Variants in MYEF2 observed in about 807,000 individuals in gnomAD.
The protein encoded by MYEF2 is myelin gene expression factor 2.
In MYEF2, 37 loss-of-function variants were observed where a neutral mutation model predicts 75.2. The ratio of observed to expected loss-of-function variants is 0.49; its 90% CI spans 0.38 to 0.65. The LOEUF is 0.65. Among genes scored for constraint, MYEF2 ranks in the 30% least tolerant of loss-of-function variants. MYEF2 has a pLI of 0.00. For missense variants in MYEF2, 634 were observed against 771.4 expected, an observed-to-expected ratio of 0.82 and a Z score of 2.11; for synonymous variants, 195 against 241.6, an observed-to-expected ratio of 0.81 and a Z score of 1.79.
intron 1 of MYEF2, among the ~76,000 whole-genome samples, chr15:48,176,672 A>C (rs1199612763): frequency 6.6e-6 from 1 of 152,134 alleles, no homozygotes; most frequent in Admixed American, 6.5e-5. Flanking sequence ...TGGCATGTAT[A>C]CTCGTGTTTA....
rs1314816241 is a variant in MYEF2 at position 48,151,119 on chromosome 15, A to T, written c.1359T>A (p.Gly453=). 19 of 1,610,194 alleles carry T rather than the reference A, an allele frequency of 1.2e-5. No homozygotes were observed. Among genetic ancestry groups the T allele is most frequent in the Non-Finnish European group, 1.5e-5 (18 of 1,177,704 alleles). ...FAGRIGSSNM[G]PVGSGISGGM... ...ACCTACTTATTCCAGATCCTACTGG[A>T]CCCATGTTAGAAGATCCTATTCTTC... The change falls in exon 14 of 17, where the codon GGT becomes GGA. Residue 453 remains glycine, a synonymous_variant. Transcript: ENST00000324324.
intron 1 of MYEF2, among the ~76,000 whole-genome samples, chr15:48,174,422 C>A (rs2040445303): frequency 6.7e-6 from 1 of 150,168 alleles, no homozygotes. Context: ...ACACCAAAAG[C>A]ACAGACAACA....
Position 48,150,758 on chromosome 15 carries a change from T to C in MYEF2, c.1378+342A>G, listed in dbSNP as rs1046878778. Reference sequence around the variant, plus strand: ...ATAAGCTAGTCACTAATAGCTATTATAGAAAATAAGCAAGGAAACAAAGTT... The same window carrying C: ...ATAAGCTAGTCACTAATAGCTATTACAGAAAATAAGCAAGGAAACAAAGTT... On this transcript the variant is annotated intron_variant, in intron 14 of 16. Coordinates refer to ENST00000324324, the MANE Select transcript of MYEF2 (RefSeq NM_016132.5). 3.3e-5 allele frequency among the ~76,000 whole-genome samples: 5 copies of C among 152,182 alleles called. No homozygotes were observed. In the South Asian group the frequency reaches 6.2e-4, roughly 19 times the overall value.
intron 10 of MYEF2, 199 bp downstream of exon 10, chr15:48,153,593 G>A: frequency 1.9e-6 from 1 of 517,734 alleles, no homozygotes; most frequent in East Asian, 3.1e-5. Context: ...TGGCCCCAAA[G>A]AAACCCTCCT....
At chr15:48,168,518 T>A (rs1044643370) in intron 2 of MYEF2, 113 bp downstream of exon 2, 1 of 774,554 alleles carries the variant, frequency 1.3e-6, no homozygotes, top group Admixed American at 2.6e-5. Context: ...TGTCAAGAAA[T>A]AAAAATCAAT....
At chr15:48,147,039 T>G (rs553220446) in intron 16 of MYEF2, among the ~76,000 whole-genome samples, 6 of 151,922 alleles carry the variant, frequency 3.9e-5, no homozygotes, top group African/African-American at 1.4e-4. Context: ...AAAACAAAAA[T>G]CATTAATCTT....
Position 48,138,935 on chromosome 15 carries a change from G to A in MYEF2, c.*3973C>T. 6.6e-7 allele frequency: 1 copy of A among 1,521,686 alleles called. No homozygotes were observed. Among genetic ancestry groups the A allele is most frequent in the East Asian group, 2.3e-5 (1 of 44,080 alleles). The allele number at this position is 1,521,686 out of a possible 1,614,324, so 94.3% of individuals were successfully genotyped here. ...ATTTCTAACTTAATTAGCCATTTGA[G>A]AAAACTCAAAAGTGTTTACTTTTTC... On this transcript the variant is annotated 3_prime_UTR_variant, in exon 17 of 17. Coordinates refer to ENST00000324324, the MANE Select transcript of MYEF2 (RefSeq NM_016132.5).
Position 48,135,088 on chromosome 15 carries a change from A to T in MYEF2, c.*7820T>A. 1.3e-6 allele frequency: 1 copy of T among 788,018 alleles called. No homozygotes were observed. The highest frequency in any genetic ancestry group is 2.1e-6 in the Non-Finnish European group (1 of 474,960). 48.8% of individuals were successfully genotyped at this position (788,018 alleles called of 1,614,324 possible). ...TGTTATTTCAGTCACTTAATCTGCC[A>T]CTTCTATACCATATTCCAACAGGTC... On this transcript the variant is annotated 3_prime_UTR_variant, in exon 17 of 17. Coordinates refer to ENST00000324324, the MANE Select transcript of MYEF2 (RefSeq NM_016132.5).
rs1274928849 is a variant in MYEF2 at position 48,138,942 on chromosome 15, C to T, written c.*3966G>A. On this transcript the variant is annotated 3_prime_UTR_variant, in exon 17 of 17. Transcript: ENST00000324324. ...ACTTAATTAGCCATTTGAGAAAACT[C>T]AAAAGTGTTTACTTTTTCCACAACA... is the stretch of plus-strand genomic sequence containing the variant. 30 of 1,562,482 alleles carry T rather than the reference C, an allele frequency of 1.9e-5. No homozygotes were observed. The highest frequency in any genetic ancestry group is 2.7e-5 in the African/African-American group (2 of 73,008).
chr15:48,152,573 T>G (rs1369767870), intron 10 of MYEF2: 4 of 331,258 alleles, frequency 1.2e-5, no homozygotes, highest in African/African-American at 8.6e-5. Context: ...TCATTCACTT[T>G]TTTTTCCACA....
rs1259575624 is a variant in MYEF2 at position 48,149,708 on chromosome 15, C to T, written c.1379-337G>A. 1 of 161,378 alleles carries T rather than the reference C, an allele frequency of 6.2e-6. No individual in the cohort carries two copies. The highest frequency in any genetic ancestry group is 2.4e-5 in the African/African-American group (1 of 41,614). 10.0% of individuals were successfully genotyped at this position (161,378 alleles called of 1,614,324 possible). On this transcript the variant is annotated intron_variant, in intron 14 of 16. Transcript: ENST00000324324. This position sits in a 1 kb window ranked among gnomAD's most constrained non-coding sequence, Gnocchi z 4.0. ...AAATATATAAATCCTCTACCAATCA[C>T]TGCTTCCAATAACAGGACAGTTGTT... is the stretch of plus-strand genomic sequence containing the variant.
chr15:48,160,486 T>TACACAC (rs372090273), intron 5 of MYEF2, among the ~76,000 whole-genome samples: 125 of 139,300 alleles, frequency 9.0e-4, no homozygotes, highest in Admixed American at 2.4e-3. Flanking sequence ...AAACCAAACA[T>TACACAC]ACACACACAC....
At chr15:48,153,986 G>A (rs2039591293) in intron 9 of MYEF2, 93 bp from the exon 10 acceptor site, 1 of 943,260 alleles carries the variant, frequency 1.1e-6, no homozygotes, top group South Asian at 2.1e-5. Context: ...ACCTGTAGTA[G>A]TATCTGTAAA....
rs1310619806 is a variant in MYEF2, at chr15:48,149,509, T to C, written c.1379-138A>G. On this transcript the variant is annotated intron_variant, in intron 14 of 16. Transcript: ENST00000324324. This position sits in a 1 kb window ranked among gnomAD's most constrained non-coding sequence, Gnocchi z 4.0. The stretch of plus-strand genomic sequence containing the variant: ...AAGAAGGGGGAAATTAATTTGTTTA[T>C]ATAATTAAATAATATAAAAACATAA... 1.1e-5 allele frequency: 6 copies of C among 528,136 alleles called. No homozygotes were observed. Among genetic ancestry groups the C allele is most frequent in the Non-Finnish European group, 1.9e-5 (6 of 312,428 alleles). The allele number at this position is 528,136 out of a possible 1,614,324, so 32.7% of individuals were successfully genotyped here.
intron 1 of MYEF2, among the ~76,000 whole-genome samples, chr15:48,169,384 A>G (rs1018802483): frequency 3.9e-5 from 6 of 152,176 alleles, no homozygotes; most frequent in African/African-American, 7.2e-5. Context: ...ATATGAATAT[A>G]CTCACATTAA....
At chr15:48,167,609 G>A (rs2040177383) in intron 2 of MYEF2, among the ~76,000 whole-genome samples, 1 of 151,938 alleles carries the variant, frequency 6.6e-6, no homozygotes, top group Non-Finnish European at 1.5e-5. Context: ...CTAAAAAAAA[G>A]CTAACAACCA....
chr15:48,137,009 A>T lies in MYEF2; in HGVS notation c.*5899T>A, dbSNP rs776826638. 8 of 1,536,980 alleles carry T rather than the reference A, an allele frequency of 5.2e-6. No individual in the cohort carries two copies. Among genetic ancestry groups the T allele is most frequent in the Middle Eastern group, 1.8e-4 (1 of 5,686 alleles). ...ATTATTAAGTCTATTCGCAAAGGAA[A>T]AACTTTAAAATTTCATTTCAATTCA... is the stretch of plus-strand genomic sequence containing the variant. On this transcript the variant is annotated 3_prime_UTR_variant, in exon 17 of 17. Transcript: ENST00000324324.
chr15:48,138,993 C>G lies in MYEF2; in HGVS notation c.*3915G>C, dbSNP rs1364917670. ...GATCCACCAAGTGTTTTCAACATGC[C>G]TGAAGCAGACTTAAAAAGAATTTTT... On this transcript the variant is annotated 3_prime_UTR_variant, in exon 17 of 17. Coordinates refer to ENST00000324324, the MANE Select transcript of MYEF2 (RefSeq NM_016132.5). 2 of 1,612,462 alleles carry G rather than the reference C, an allele frequency of 1.2e-6. No homozygotes were observed. Among genetic ancestry groups the G allele is most frequent in the African/African-American group, 2.7e-5 (2 of 74,866 alleles).
Position 48,137,112 on chromosome 15 carries a change from G to A in MYEF2, c.*5796C>T, listed in dbSNP as rs889002956. The A allele has an allele frequency of 5.3e-6, 4 of 748,056 alleles. No individual in the cohort carries two copies. The East Asian group carries it at 8.2e-5, about 15-fold the overall frequency. 46.3% of individuals were successfully genotyped at this position (748,056 alleles called of 1,614,324 possible). On this transcript the variant is annotated 3_prime_UTR_variant, in exon 17 of 17. Transcript: ENST00000324324. ...TAAAGACCAAGTCCCTACCTTTAAG[G>A]AACTTCCAATATCACAGGAAATACA... is the stretch of plus-strand genomic sequence containing the variant.
Sources: allele counts gnomAD v4.1 joint callset (sites outside exome capture counted in the v4.1 genomes callset), GRCh38; gene constraint gnomAD v4.1.1; non-coding constraint Gnocchi (gnomAD v3.1); transcripts MANE v1.5; gene names NCBI Gene and HGNC (gene_info 2026-07-23, HGNC 2026-07-21).